Variants in IL1RAPL1 observed in about 807,000 individuals in gnomAD.
IL1RAPL1 encodes interleukin-1 receptor accessory protein-like 1.
Under a neutral mutation model 48.4 loss-of-function variants are expected in IL1RAPL1, and 3 were observed. The ratio of observed to expected loss-of-function variants is 0.06; its 90% CI spans 0.03 to 0.16. IL1RAPL1 has a LOEUF of 0.16. Ranked by LOEUF, IL1RAPL1 falls within the 10% of genes least tolerant of loss-of-function variation. The probability of loss-of-function intolerance (pLI) is 1.00; values close to 1 mark genes in which losing one functional copy is unlikely to be tolerated. For synonymous variants in IL1RAPL1, 185 were observed against 187.7 expected (o/e 0.99, Z 0.12); for missense variants, 349 against 530.6 (o/e 0.66, Z 3.36).
chrX:29,872,130 C>G (rs1931812354), intron 6 of IL1RAPL1, among the ~76,000 whole-genome samples: 1 of 112,100 alleles, frequency 8.9e-6, no homozygotes, highest in Non-Finnish European at 1.9e-5. Flanking sequence ...ATACCATTCA[C>G]CAAACCTTCT....
intron 5 of IL1RAPL1, among the ~76,000 whole-genome samples, chrX:29,479,463 A>G (rs1301492589): frequency 2.8e-5 from 3 of 107,490 alleles, no homozygotes; most frequent in Non-Finnish European, 5.8e-5. Flanking sequence ...AATGTATAGG[A>G]AAGTAAATTT....
intron 2 of IL1RAPL1, among the ~76,000 whole-genome samples, chrX:29,154,902 C>G (rs756548083): frequency 9.0e-6 from 1 of 111,343 alleles, no homozygotes; most frequent in East Asian, 2.8e-4. Context: ...ACTTAGTACC[C>G]CCATTTAACT....
intron 2 of IL1RAPL1, among the ~76,000 whole-genome samples, chrX:28,947,211 T>C (rs747449517): frequency 8.9e-6 from 1 of 112,045 alleles, no homozygotes; most frequent in South Asian, 3.7e-4. Flanking sequence ...TGTATGTATG[T>C]ACATGTGTAT....
At chrX:29,041,692 C>A (rs190347774) in intron 2 of IL1RAPL1, among the ~76,000 whole-genome samples, 4 of 111,278 alleles carry the variant, frequency 3.6e-5, no homozygotes, top group Non-Finnish European at 7.5e-5. Context: ...ACCCATATAC[C>A]GTGTATTAGT....
intron 2 of IL1RAPL1, among the ~76,000 whole-genome samples, chrX:29,240,195 CATAT>C (rs1224933369): frequency 0.013 from 360 of 27,114 alleles, 5 homozygotes; most frequent in Middle Eastern, 0.053. Flanking sequence ...CACACACACA[CATAT>C]ATATATATAT....
intron 2 of IL1RAPL1, among the ~76,000 whole-genome samples, chrX:28,839,238 T>C (rs1254126738): frequency 9.0e-6 from 1 of 111,489 alleles, no homozygotes; most frequent in Non-Finnish European, 1.9e-5. Context: ...ATTTTAGTAA[T>C]ATCTCTAACA....
At chrX:28,973,776 T>G (rs1925140196) in intron 2 of IL1RAPL1, among the ~76,000 whole-genome samples, 1 of 112,260 alleles carries the variant, frequency 8.9e-6, no homozygotes, top group Non-Finnish European at 1.9e-5. Flanking sequence ...TGAGTGCCTT[T>G]AAAGCTCTTG....
chrX:29,070,651 T>A (rs370614319), intron 2 of IL1RAPL1, among the ~76,000 whole-genome samples: 1 of 111,650 alleles, frequency 9.0e-6, no homozygotes, highest in East Asian at 2.8e-4. Flanking sequence ...AGTCTGGATC[T>A]CCTAGTATAC....
chrX:29,259,627 A>G (rs1345356067), intron 2 of IL1RAPL1, among the ~76,000 whole-genome samples: 1 of 111,544 alleles, frequency 9.0e-6, no homozygotes, highest in African/African-American at 3.3e-5. Context: ...GGATAAATGT[A>G]ATTAGAAACA....
chrX:28,708,515 G>A (rs907227679), intron 1 of IL1RAPL1, among the ~76,000 whole-genome samples: 1 of 111,663 alleles, frequency 9.0e-6, no homozygotes, highest in African/African-American at 3.3e-5. Context: ...ACCTGTACTC[G>A]CATGTTTATT....
intron 5 of IL1RAPL1, among the ~76,000 whole-genome samples, chrX:29,409,471 AGT>A (rs1410299418): frequency 2.7e-5 from 3 of 111,883 alleles, no homozygotes; most frequent in Non-Finnish European, 5.6e-5. Context: ...CTCTTTCATG[AGT>A]GGTTTCCAAT....
At chrX:29,244,004 G>T (rs1191484764) in intron 2 of IL1RAPL1, among the ~76,000 whole-genome samples, 1 of 111,477 alleles carries the variant, frequency 9.0e-6, no homozygotes, top group Non-Finnish European at 1.9e-5. Context: ...TGTAAACATT[G>T]TGTAATTCCA....
At chrX:29,587,688 A>G in intron 5 of IL1RAPL1, among the ~76,000 whole-genome samples, 1 of 111,994 alleles carries the variant, frequency 8.9e-6, no homozygotes, top group Non-Finnish European at 1.9e-5. Flanking sequence ...TTTATAGAAA[A>G]GGAAACCACT....
chrX:28,873,531 T>C lies in IL1RAPL1; in HGVS notation c.82+84106T>C, dbSNP rs1416378075. Among the ~76,000 whole-genome samples, 74 of 56,262 alleles carry C rather than the reference T, an allele frequency of 1.3e-3. 3 individuals are homozygous for C. The highest frequency in any genetic ancestry group is 6.4e-3 in the African/African-American group (69 of 10,710). 48.9% of individuals were successfully genotyped at this position (56,262 alleles called of 115,157 possible). The stretch of plus-strand genomic sequence containing the variant: ...TATTGTTTTCTTTCTTTCTTTTTTT[T>C]TTTTTTTTTTTTTTTTTTGAGACGG... On this transcript the variant is annotated intron_variant, in intron 2 of 10. Transcript: ENST00000378993.
At chrX:29,619,452 T>A (rs985963585) in intron 5 of IL1RAPL1, among the ~76,000 whole-genome samples, 1 of 111,637 alleles carries the variant, frequency 9.0e-6, no homozygotes, top group African/African-American at 3.2e-5. Context: ...TCTCAAAATC[T>A]TTTTTGGAAG....
intron 1 of IL1RAPL1, among the ~76,000 whole-genome samples, chrX:28,785,931 A>G (rs1936468336): frequency 8.9e-6 from 1 of 112,021 alleles, no homozygotes; most frequent in Admixed American, 9.5e-5. Flanking sequence ...TTTAAATATC[A>G]AAATTGAACT....
intron 1 of IL1RAPL1, among the ~76,000 whole-genome samples, chrX:28,668,456 C>T (rs756756072): frequency 4.4e-5 from 5 of 112,370 alleles, no homozygotes; most frequent in South Asian, 3.7e-4. Flanking sequence ...GACAGGGTTA[C>T]GCCGTGTTGG....
intron 2 of IL1RAPL1, among the ~76,000 whole-genome samples, chrX:29,262,685 A>G (rs1931881424): frequency 9.0e-6 from 1 of 110,955 alleles, no homozygotes; most frequent in East Asian, 2.8e-4. Context: ...AAAAGTTGCT[A>G]ATATGCTAAA....
chrX:29,908,732 A>G (rs1182895955), intron 6 of IL1RAPL1, among the ~76,000 whole-genome samples: 2 of 112,342 alleles, frequency 1.8e-5, no homozygotes, highest in Non-Finnish European at 3.8e-5. Context: ...TGATTACAAT[A>G]TATGTCTTAG....
Sources: allele counts gnomAD v4.1 joint callset (sites outside exome capture counted in the v4.1 genomes callset), GRCh38; gene constraint gnomAD v4.1.1; transcripts MANE v1.5; gene names NCBI Gene and HGNC (gene_info 2026-07-23, HGNC 2026-07-21).